The following MRPS18B variants were observed in gnomAD, a reference collection of about 807,000 sequenced individuals.
MRPS18B encodes the protein mitochondrial ribosomal protein S18B, also known as small ribosomal subunit protein mS40.
MRPS18B carries 27 observed loss-of-function variants against 28.4 expected under a neutral mutation model. The ratio of observed to expected loss-of-function variants is 0.95; its 90% CI spans 0.70 to 1.31. MRPS18B has a LOEUF of 1.31. Ranked by LOEUF, MRPS18B falls within the 40% of genes most tolerant of loss-of-function variation. The pLI, the probability that MRPS18B is intolerant of heterozygous loss-of-function variation, is 0.00. For synonymous variants in MRPS18B, 118 were observed against 123.7 expected, an observed-to-expected ratio of 0.95 and a Z score of 0.30; for missense variants, 343 against 335.9, an observed-to-expected ratio of 1.02 and a Z score of -0.17.
chr6:30,625,405 C>A, intron 6 of MRPS18B, 97 bp from the exon 7 acceptor site: 1 of 1,227,352 alleles, frequency 8.1e-7, no homozygotes, highest in Non-Finnish European at 1.1e-6. Context: ...TACCTGGTGG[C>A]TCTGACTGGT....
chr6:30,624,672 C>G (rs993393770), intron 5 of MRPS18B, among the ~76,000 whole-genome samples: 1 of 152,132 alleles, frequency 6.6e-6, no homozygotes, highest in African/African-American at 2.4e-5. Flanking sequence ...AGTGGCTAGA[C>G]CCTCCTAAAT....
At chr6:30,622,159 T>C (rs973409525) in intron 4 of MRPS18B, among the ~76,000 whole-genome samples, 1 of 152,224 alleles carries the variant, frequency 6.6e-6, no homozygotes, top group African/African-American at 2.4e-5. Flanking sequence ...CAGCATACTA[T>C]TAAATACATT....
At chr6:30,624,089 G>T (rs116705323) in intron 5 of MRPS18B, among the ~76,000 whole-genome samples, 7,600 of 148,658 alleles carry the variant, frequency 0.051, 316 homozygotes, top group African/African-American at 0.11. Context: ...TGTTTTTTTT[G>T]GGGGGGTGTG....
intron 4 of MRPS18B, among the ~76,000 whole-genome samples, chr6:30,621,930 G>C (rs1390905750): frequency 6.6e-6 from 1 of 152,058 alleles, no homozygotes; most frequent in African/African-American, 2.4e-5. Context: ...CTGAGCAGCA[G>C]AGCGAGACTC....
At chr6:30,620,974 T>G (rs1184860664) in intron 4 of MRPS18B, among the ~76,000 whole-genome samples, 1 of 152,260 alleles carries the variant, frequency 6.6e-6, no homozygotes, top group Non-Finnish European at 1.5e-5. Flanking sequence ...AGGTTTTCTT[T>G]ATTTCCTTGT....
At chr6:30,624,453 G>A (rs1761360217) in intron 5 of MRPS18B, among the ~76,000 whole-genome samples, 1 of 152,192 alleles carries the variant, frequency 6.6e-6, no homozygotes, top group African/African-American at 2.4e-5. Flanking sequence ...TCAGTGTTCA[G>A]TTTGTCAAGA....
chr6:30,624,886 T>G lies in MRPS18B; in HGVS notation c.425T>G (p.Val142Gly). The part of the protein sequence containing the change: ...GIIFYAPYTG[V>G]CVKQHKRLTQ... ...CAAGATATTTTTCTCCCCACAGGAGTCTGTGTGAAGCAGCACAAGCGGTTG... is the reference window on the plus strand; with the variant it reads ...CAAGATATTTTTCTCCCCACAGGAGGCTGTGTGAAGCAGCACAAGCGGTTG... The change falls in exon 6 of 7, where the codon GTC (valine) becomes GGC (glycine). Residue 142 changes from valine (V) to glycine (G), a missense_variant. By Grantham distance (109) the Val-to-Gly change is moderately radical (BLOSUM62 -3). Transcript: ENST00000259873. The G allele has an allele frequency of 6.2e-7, 1 of 1,612,832 alleles. No homozygotes were observed. The highest frequency in any genetic ancestry group is 8.5e-7 in the Non-Finnish European group (1 of 1,179,872).
rs570020459 is a variant in MRPS18B, at chr6:30,621,022, G to A, written c.354+1033G>A. ...CCATGCTGGCACCTGGGGCTGGAGG[G>A]CAGGTATATGAAGCAAGATAGAGTC... On this transcript the variant is annotated intron_variant, in intron 4 of 6. Transcript: ENST00000259873. Among the ~76,000 whole-genome samples the A allele has an allele frequency of 3.3e-5, 5 of 152,334 alleles. No homozygotes were observed. In the South Asian group the frequency reaches 1.0e-3, roughly 32 times the overall value.
Position 30,625,747 on chromosome 6 carries a change from C to G in MRPS18B, c.727C>G (p.Pro243Ala). 1 of 1,612,970 alleles carries G rather than the reference C, an allele frequency of 6.2e-7. No individual in the cohort carries two copies. Among genetic ancestry groups the G allele is most frequent in the Non-Finnish European group, 8.5e-7 (1 of 1,179,952 alleles). The change falls in exon 7 of 7, where the codon CCA becomes GCA. Residue 243 changes from proline to alanine, a missense_variant. Physicochemically the swap from Pro to Ala is conservative, Grantham distance 27. Transcript: ENST00000259873. ...ESMPKMPPRT[P>A]AEASSTGQTG... The stretch of plus-strand genomic sequence containing the variant: ...AATGCCCAAGATGCCCCCTAGAACA[C>G]CAGCGGAAGCCTCCTCCACTGGGCA...
At position 30,622,893 on chromosome 6, in the gene MRPS18B, A is replaced by T. The variant is rs1363154359; in HGVS notation, c.416A>T (p.Tyr139Phe). 1 of 1,612,988 alleles carries T rather than the reference A, an allele frequency of 6.2e-7. No individual in the cohort carries two copies. The highest frequency in any genetic ancestry group is 2.2e-5 in the East Asian group (1 of 44,892). Residue 139 changes from tyrosine (Y) to phenylalanine (F), a missense_variant, in exon 5 of 7, where the codon TAC becomes TTC. Physicochemically the swap from Tyr to Phe is conservative, Grantham distance 22 (BLOSUM62 3). Coordinates refer to ENST00000259873, the MANE Select transcript of MRPS18B (RefSeq NM_014046.4). ...AHTGIIFYAP[Y>F]TGVCVKQHKR... ...ACGGGTATCATCTTCTATGCTCCATACACAGGTTAGCCCATCATCCCTGCA... is the reference window on the plus strand; with the variant it reads ...ACGGGTATCATCTTCTATGCTCCATTCACAGGTTAGCCCATCATCCCTGCA...
chr6:30,620,757 A>G (rs1203473463), intron 4 of MRPS18B, among the ~76,000 whole-genome samples: 1 of 152,016 alleles, frequency 6.6e-6, no homozygotes, highest in Non-Finnish European at 1.5e-5. Context: ...TTTAGTAGAG[A>G]CAGAGTTTCA....
Position 30,617,847 on chromosome 6 carries a change from G to T in MRPS18B, c.-19G>T. ...CGCAGTTGCCTTTCCGTCAATTCCTGTCCTGGGCGTACGTCAAGATGGCGG... is the reference window on the plus strand; with the variant it reads ...CGCAGTTGCCTTTCCGTCAATTCCTTTCCTGGGCGTACGTCAAGATGGCGG... On this transcript the variant is annotated 5_prime_UTR_variant, in exon 1 of 7. Coordinates refer to ENST00000259873, the MANE Select transcript of MRPS18B (RefSeq NM_014046.4). The T allele has an allele frequency of 1.2e-6, 2 of 1,614,086 alleles. No individual in the cohort carries two copies. Among genetic ancestry groups the T allele is most frequent in the Non-Finnish European group, 1.7e-6 (2 of 1,180,044 alleles).
At chr6:30,621,941 C>T (rs916645321) in intron 4 of MRPS18B, among the ~76,000 whole-genome samples, 4 of 151,832 alleles carry the variant, frequency 2.6e-5, no homozygotes, top group African/African-American at 4.8e-5. Context: ...AGCGAGACTC[C>T]GTCTCAAAAA....
chr6:30,624,031 G>A (rs1761330980), intron 5 of MRPS18B, among the ~76,000 whole-genome samples: 1 of 151,268 alleles, frequency 6.6e-6, no homozygotes, highest in African/African-American at 2.4e-5. Flanking sequence ...AAAGTGCTGG[G>A]ATGACAGGCA....
chr6:30,623,842 C>G (rs1344079552), intron 5 of MRPS18B, among the ~76,000 whole-genome samples: 1 of 151,742 alleles, frequency 6.6e-6, no homozygotes, highest in Non-Finnish European at 1.5e-5. Context: ...ATGGTGCAAT[C>G]TTGCCTCACC....
At position 30,622,869 on chromosome 6, in the gene MRPS18B, C is replaced by A. The variant is rs55637991; in HGVS notation, c.392C>A (p.Thr131Lys). 5 of 1,613,080 alleles carry A rather than the reference C, an allele frequency of 3.1e-6. No homozygotes were observed. The South Asian group carries it at 5.5e-5, about 18-fold the overall frequency. The change falls in exon 5 of 7, where the codon ACG (threonine) becomes AAG (lysine). Residue 131 changes from threonine (T) to lysine (K), a missense_variant. Coordinates refer to ENST00000259873, the MANE Select transcript of MRPS18B (RefSeq NM_014046.4). Reference protein sequence around the residue: ...KLLEQFVCAHTGIIFYAPYTG... With the variant: ...KLLEQFVCAHKGIIFYAPYTG... ...TTGGAGCAATTTGTCTGCGCCCACA[C>A]GGGTATCATCTTCTATGCTCCATAC... is the stretch of plus-strand genomic sequence containing the variant.
chr6:30,620,009 T>C lies in MRPS18B; in HGVS notation c.354+20T>C. 1 of 1,610,892 alleles carries C rather than the reference T, an allele frequency of 6.2e-7. No individual in the cohort carries two copies. The highest frequency in any genetic ancestry group is 8.5e-7 in the Non-Finnish European group (1 of 1,177,130). ...TTTAGGGTAAGGAGAGTCTTTTCTT[T>C]TTAGGGTAAGAAAAATAAAGATTAG... On this transcript the variant is annotated intron_variant, in intron 4 of 6. Transcript: ENST00000259873.
intron 1 of MRPS18B, among the ~76,000 whole-genome samples, chr6:30,618,941 C>T (rs1332185232): frequency 6.6e-6 from 1 of 151,912 alleles, no homozygotes; most frequent in Non-Finnish European, 1.5e-5. Flanking sequence ...TTTCTTTACA[C>T]GAAATCTCAC....
At chr6:30,623,200 G>A (rs1473346436) in intron 5 of MRPS18B, among the ~76,000 whole-genome samples, 2 of 151,886 alleles carry the variant, frequency 1.3e-5, no homozygotes, top group African/African-American at 4.8e-5. Context: ...GAAACCCTGT[G>A]GTGATGCATG....
Sources: allele counts gnomAD v4.1 joint callset (sites outside exome capture counted in the v4.1 genomes callset), GRCh38; gene constraint gnomAD v4.1.1; transcripts MANE v1.5; gene names NCBI Gene and HGNC (gene_info 2026-07-23, HGNC 2026-07-21).